The following FAM117B variants were observed in gnomAD, a reference collection of about 807,000 sequenced individuals.
FAM117B encodes protein FAM117B.
In FAM117B, 22 loss-of-function variants were observed where a neutral mutation model predicts 52.8. That is an observed-to-expected ratio of 0.42 (90% CI 0.30 to 0.59). The LOEUF (loss-of-function observed/expected upper bound fraction) is 0.59, where lower values mean the gene tolerates loss of function less well. FAM117B is among the 20% of genes least tolerant of loss of function. The pLI, the probability that FAM117B is intolerant of heterozygous loss-of-function variation, is 0.22. For missense variants in FAM117B, 678 were observed against 802.6 expected, an observed-to-expected ratio of 0.84 and a Z score of 1.88; for synonymous variants, 309 against 324.1, an observed-to-expected ratio of 0.95 and a Z score of 0.50.
At chr2:202,669,048 C>T (rs1690252207) in intron 1 of FAM117B, among the ~76,000 whole-genome samples, 1 of 152,140 alleles carries the variant, frequency 6.6e-6, no homozygotes, top group Non-Finnish European at 1.5e-5. Context: ...AAAAGTTCCT[C>T]CCTTCTTGCA....
At chr2:202,707,215 ATTTTTTTTT>A (rs371933346) in intron 2 of FAM117B, among the ~76,000 whole-genome samples, 2 of 144,344 alleles carry the variant, frequency 1.4e-5, no homozygotes, top group Non-Finnish European at 3.0e-5. Context: ...CTAATTTTTA[ATTTTTTTTT>A]TTTTTGTAGA....
At chr2:202,658,146 G>A (rs1690079260) in intron 1 of FAM117B, among the ~76,000 whole-genome samples, 2 of 152,046 alleles carry the variant, frequency 1.3e-5, no homozygotes, top group South Asian at 4.2e-4. Flanking sequence ...AATGTTTTAT[G>A]TACAAGTATA....
At chr2:202,640,296 ATATATATATATATATATATAT>A (rs1229144407) in intron 1 of FAM117B, among the ~76,000 whole-genome samples, 2 of 9,194 alleles carry the variant, frequency 2.2e-4, no homozygotes, top group Non-Finnish European at 4.0e-4. Flanking sequence ...CCACCACAAA[ATATATATATATATATATATAT>A]ATATATATAT....
chr2:202,761,421 G>A (rs1400400378), intron 7 of FAM117B, among the ~76,000 whole-genome samples: 3 of 152,172 alleles, frequency 2.0e-5, no homozygotes, highest in Admixed American at 6.5e-5. Context: ...ATCTTTAAAG[G>A]GAGAGAAGAA....
intron 2 of FAM117B, among the ~76,000 whole-genome samples, chr2:202,706,214 T>G (rs1435792009): frequency 6.6e-6 from 1 of 152,188 alleles, no homozygotes; most frequent in African/African-American, 2.4e-5. Flanking sequence ...TTGGTTTGGT[T>G]TCTTTACGGC....
rs77160526 is a variant in FAM117B at position 202,636,256 on chromosome 2, A to G, written c.601+468A>G. On this transcript the variant is annotated intron_variant, in intron 1 of 7. Coordinates refer to ENST00000392238, the MANE Select transcript of FAM117B (RefSeq NM_173511.4). ...CACAAAACAGTTTCAGATCTGGGGT[A>G]CTGAATGCATTAGCAGTGGCAGATT... Among the ~76,000 whole-genome samples, 314 of 152,330 alleles carry G rather than the reference A, an allele frequency of 2.1e-3. 16 individuals carry two copies. In the East Asian group the frequency reaches 0.056, roughly 27 times the overall value.
intron 1 of FAM117B, among the ~76,000 whole-genome samples, chr2:202,666,312 C>T (rs1482903813): frequency 3.3e-5 from 5 of 151,704 alleles, no homozygotes; most frequent in Non-Finnish European, 7.4e-5. Context: ...CTATGGTTTT[C>T]AGAAAACTAA....
At chr2:202,701,437 G>C (rs1475320893) in intron 2 of FAM117B, among the ~76,000 whole-genome samples, 1 of 152,158 alleles carries the variant, frequency 6.6e-6, no homozygotes, top group Non-Finnish European at 1.5e-5. Flanking sequence ...CCATTTTGCA[G>C]CCCATGGTTC....
At chr2:202,728,287 C>T (rs1159077031) in intron 4 of FAM117B, among the ~76,000 whole-genome samples, 1 of 152,198 alleles carries the variant, frequency 6.6e-6, no homozygotes, top group African/African-American at 2.4e-5. Flanking sequence ...CTATGTCCAG[C>T]CAAATTTATA....
intron 2 of FAM117B, among the ~76,000 whole-genome samples, chr2:202,705,119 C>G (rs1335671919): frequency 6.6e-6 from 1 of 151,890 alleles, no homozygotes; most frequent in Non-Finnish European, 1.5e-5. Flanking sequence ...CCAGCCTGAC[C>G]AACATGGAGA....
At chr2:202,639,998 G>A (rs1185505278) in intron 1 of FAM117B, among the ~76,000 whole-genome samples, 1 of 151,878 alleles carries the variant, frequency 6.6e-6, no homozygotes, top group Admixed American at 6.6e-5. Flanking sequence ...GGTCGGGCAC[G>A]GTGGCTTATA....
intron 4 of FAM117B, among the ~76,000 whole-genome samples, chr2:202,729,333 CAA>C (rs56354620): frequency 2.8e-5 from 4 of 141,224 alleles, no homozygotes; most frequent in Non-Finnish European, 4.6e-5. Flanking sequence ...GACTCCATCT[CAA>C]AAAAAAAAAA....
chr2:202,698,285 A>G (rs896488981), intron 2 of FAM117B, among the ~76,000 whole-genome samples: 30 of 152,212 alleles, frequency 2.0e-4, no homozygotes, highest in African/African-American at 7.2e-4. Flanking sequence ...TGTTCTGATA[A>G]TCTTGAAACG....
At chr2:202,762,230 CT>C (rs1239496633) in intron 7 of FAM117B, among the ~76,000 whole-genome samples, 5 of 152,128 alleles carry the variant, frequency 3.3e-5, no homozygotes, top group African/African-American at 1.2e-4. Flanking sequence ...TAACTCTGAC[CT>C]GAACTGGGGG....
At chr2:202,653,142 C>G (rs1358167564) in intron 1 of FAM117B, among the ~76,000 whole-genome samples, 2 of 152,082 alleles carry the variant, frequency 1.3e-5, no homozygotes, top group African/African-American at 4.8e-5. Flanking sequence ...GTGGCACACA[C>G]CTGTAGTCCC....
intron 4 of FAM117B, among the ~76,000 whole-genome samples, chr2:202,732,323 T>C (rs571821833): frequency 2.6e-5 from 4 of 152,312 alleles, no homozygotes; most frequent in East Asian, 3.9e-4. Context: ...CCCAAGAGAA[T>C]TGAAAATATA....
At chr2:202,649,576 G>A (rs184327670) in intron 1 of FAM117B, among the ~76,000 whole-genome samples, 157 of 151,976 alleles carry the variant, frequency 1.0e-3, no homozygotes, top group Admixed American at 1.4e-3. Flanking sequence ...TTTTGAGATA[G>A]AGTCTTGTTC....
chr2:202,722,103 C>G (rs765076583), intron 2 of FAM117B, among the ~76,000 whole-genome samples: 5 of 151,324 alleles, frequency 3.3e-5, no homozygotes, highest in Non-Finnish European at 7.4e-5. Flanking sequence ...CTCCACCTCC[C>G]AAGTTCAAGC....
chr2:202,738,872 A>G (rs2105792280), intron 4 of FAM117B, among the ~76,000 whole-genome samples: 1 of 152,270 alleles, frequency 6.6e-6, no homozygotes, highest in East Asian at 1.9e-4. Context: ...TATAAAACAA[A>G]ATGGAGCTTC....
Sources: gnomAD v4.1 joint callset for allele counts (sites outside exome capture counted in the v4.1 genomes callset) on GRCh38, gnomAD v4.1.1 for gene constraint, MANE v1.5 for transcripts, NCBI Gene and HGNC (gene_info 2026-07-23, HGNC 2026-07-21) for gene names.